Variants in TENM3 observed in about 807,000 individuals in gnomAD.
TENM3 encodes the protein teneurin transmembrane protein 3, also known as teneurin-3.
TENM3 carries 63 observed loss-of-function variants against 255.1 expected under a neutral mutation model. The ratio of observed to expected loss-of-function variants is 0.25; its 90% CI spans 0.20 to 0.30. The LOEUF (loss-of-function observed/expected upper bound fraction) is 0.30, where lower values mean the gene tolerates loss of function less well. Among genes scored for constraint, TENM3 ranks in the 10% least tolerant of loss-of-function variants. The pLI, the probability that TENM3 is intolerant of heterozygous loss-of-function variation, is 1.00. For missense variants in TENM3, 2,929 were observed against 3,461.1 expected (o/e 0.85, Z 3.86); for synonymous variants, 1,306 against 1,322.3 (o/e 0.99, Z 0.27).
the TENM3 span, among the ~76,000 whole-genome samples, chr4:181,882,789 G>C: frequency 6.6e-6 from 1 of 152,100 alleles, no homozygotes; most frequent in African/African-American, 2.4e-5. Flanking sequence ...CTTCTAAATT[G>C]GTCCAATGGA....
At chr4:181,497,248 AC>A in the TENM3 span, among the ~76,000 whole-genome samples, 2 of 152,246 alleles carry the variant, frequency 1.3e-5, no homozygotes, top group South Asian at 4.1e-4. Flanking sequence ...CAATTACTTG[AC>A]CTGGGAATCA....
chr4:181,627,941 A>G, the TENM3 span, among the ~76,000 whole-genome samples: 1 of 152,198 alleles, frequency 6.6e-6, no homozygotes, highest in Non-Finnish European at 1.5e-5. Context: ...GAACTAGTTT[A>G]CAGTCCCACC....
chr4:182,507,381 C>G (rs750801912), intron 3 of TENM3, among the ~76,000 whole-genome samples: 6 of 152,160 alleles, frequency 3.9e-5, no homozygotes, highest in Non-Finnish European at 8.8e-5. Flanking sequence ...TGCCATTACT[C>G]TTGTCAGAAA....
the TENM3 span, among the ~76,000 whole-genome samples, chr4:182,100,155 C>G: frequency 6.6e-6 from 1 of 151,994 alleles, no homozygotes; most frequent in East Asian, 1.9e-4. Context: ...CCAAGACCAC[C>G]AAGAAAATGT....
intron 5 of TENM3, among the ~76,000 whole-genome samples, chr4:182,653,341 A>G (rs759028349): frequency 6.6e-6 from 1 of 152,208 alleles, no homozygotes; most frequent in African/African-American, 2.4e-5. Flanking sequence ...ACCTTAACGC[A>G]AAGGTAGAGG....
intron 3 of TENM3, among the ~76,000 whole-genome samples, chr4:182,480,767 ACT>A (rs765534666): frequency 2.5e-4 from 38 of 151,978 alleles, no homozygotes; most frequent in Admixed American, 1.3e-4. Flanking sequence ...TTGTATTTTA[ACT>A]CTGAATTTAT....
intron 1 of TENM3, among the ~76,000 whole-genome samples, chr4:182,199,285 G>A (rs774473699): frequency 6.6e-5 from 10 of 152,082 alleles, no homozygotes; most frequent in Admixed American, 2.0e-4. Flanking sequence ...CCAACATGGT[G>A]AAACCCCGTC....
chr4:181,725,224 T>C, the TENM3 span, among the ~76,000 whole-genome samples: 2 of 152,174 alleles, frequency 1.3e-5, no homozygotes, highest in Non-Finnish European at 2.9e-5. Context: ...TATTCTCTCT[T>C]TTCTCACTCT....
chr4:181,593,658 C>A, the TENM3 span, among the ~76,000 whole-genome samples: 2 of 152,144 alleles, frequency 1.3e-5, no homozygotes, highest in Non-Finnish European at 2.9e-5. Context: ...AGAAACAGTA[C>A]TTTGCTGCTA....
the TENM3 span, among the ~76,000 whole-genome samples, chr4:181,985,650 G>A: frequency 1.3e-5 from 2 of 152,060 alleles, no homozygotes; most frequent in African/African-American, 4.8e-5. Context: ...CCCCATAAAT[G>A]TTAGCAAATC....
chr4:181,863,766 T>G, the TENM3 span, among the ~76,000 whole-genome samples: 51 of 152,198 alleles, frequency 3.4e-4, 1 homozygote, highest in Admixed American at 2.9e-3. Flanking sequence ...TGTGGCTCAC[T>G]TACAGATATA....
At position 182,249,389 on chromosome 4, in the gene TENM3, A is replaced by AT. The variant is rs112391019; in HGVS notation, c.-76+5920dup. 3.1e-3 allele frequency among the ~76,000 whole-genome samples: 469 copies of AT among 152,264 alleles called. 1 individual carries two copies. The highest frequency in any genetic ancestry group is 0.011 in the African/African-American group (453 of 41,548). ...AATCTATGACTTACAACAAAGGTCT[A>AT]TTTTTTTACATATTTTGTGAGTTAT... On this transcript the variant is annotated intron_variant, in intron 1 of 27. Transcript: ENST00000511685.
chr4:182,722,052 T>C (rs1432983524), intron 13 of TENM3, among the ~76,000 whole-genome samples: 1 of 152,186 alleles, frequency 6.6e-6, no homozygotes, highest in East Asian at 1.9e-4. Context: ...TCAGTTGATA[T>C]GACATAAATT....
chr4:181,466,940 A>G, the TENM3 span, among the ~76,000 whole-genome samples: 10 of 151,088 alleles, frequency 6.6e-5, no homozygotes, highest in African/African-American at 2.4e-4. Context: ...TATTGGTGCT[A>G]TTTTTAGGAA....
chr4:182,372,951 G>A (rs1407225025), intron 3 of TENM3, among the ~76,000 whole-genome samples: 3 of 151,968 alleles, frequency 2.0e-5, no homozygotes, highest in Non-Finnish European at 2.9e-5. Flanking sequence ...GGTTGCTCAG[G>A]CTGGTCTCAA....
At chr4:181,464,691 C>T in the TENM3 span, among the ~76,000 whole-genome samples, 4 of 152,100 alleles carry the variant, frequency 2.6e-5, no homozygotes, top group South Asian at 4.1e-4. Context: ...TGGCTCATGC[C>T]TGTAATCCCA....
At chr4:182,185,062 A>G (rs1753066184) in intron 1 of TENM3, among the ~76,000 whole-genome samples, 1 of 146,502 alleles carries the variant, frequency 6.8e-6, no homozygotes, top group Non-Finnish European at 1.5e-5. Context: ...CAGCCTGGAC[A>G]ACAAGAGCAA....
At chr4:182,064,361 G>C in the TENM3 span, among the ~76,000 whole-genome samples, 1 of 151,996 alleles carries the variant, frequency 6.6e-6, no homozygotes. Flanking sequence ...GGCGGATCAC[G>C]AGGTCAGGAG....
chr4:182,308,574 A>G (rs1762265235), intron 1 of TENM3, among the ~76,000 whole-genome samples: 1 of 152,162 alleles, frequency 6.6e-6, no homozygotes, highest in South Asian at 2.1e-4. Context: ...TCCTGGCCTC[A>G]AGTGATCCTC....
Sources: allele counts gnomAD v4.1 joint callset (sites outside exome capture counted in the v4.1 genomes callset), GRCh38; gene constraint gnomAD v4.1.1; transcripts MANE v1.5; gene names NCBI Gene and HGNC (gene_info 2026-07-23, HGNC 2026-07-21).